The following MYT1L variants were observed in gnomAD, a reference collection of about 807,000 sequenced individuals.
The protein encoded by MYT1L is myelin transcription factor 1 like.
A neutral mutation model predicts 126.7 loss-of-function variants in MYT1L; 12 were observed. The ratio of observed to expected loss-of-function variants is 0.09; its 90% CI spans 0.06 to 0.15. MYT1L has a LOEUF of 0.15. MYT1L is among the 10% of genes least tolerant of loss of function. The pLI is 1.00. For missense variants in MYT1L, 979 were observed against 1,585.2 expected (o/e 0.62, Z 6.49); for synonymous variants, 541 against 604.2 (o/e 0.90, Z 1.53).
In MYT1L at chr2:1,792,304, C is replaced by A; in HGVS notation, c.3420+17G>T. 2 of 1,589,156 alleles carry A rather than the reference C, an allele frequency of 1.3e-6. No individual in the cohort carries two copies. Among genetic ancestry groups the A allele is most frequent in the Non-Finnish European group, 8.6e-7 (1 of 1,167,246 alleles). On this transcript the variant is annotated intron_variant, in intron 24 of 24. Transcript: ENST00000647738. ...TGGAGGACTCCACATTCCTGCCTTG[C>A]GTGCTCAGTCACTTACCATGTGCGG... is the stretch of plus-strand genomic sequence containing the variant.
chr2:2,255,905 C>T (rs1249193626), intron 2 of MYT1L, among the ~76,000 whole-genome samples: 1 of 152,178 alleles, frequency 6.6e-6, no homozygotes, highest in African/African-American at 2.4e-5. Flanking sequence ...AAGTTGTGAA[C>T]ACCTTACCCT....
intron 5 of MYT1L, among the ~76,000 whole-genome samples, chr2:1,990,611 G>C (rs1225912674): frequency 6.6e-6 from 1 of 152,174 alleles, no homozygotes; most frequent in Non-Finnish European, 1.5e-5. Flanking sequence ...AGTTATCTAA[G>C]CTCCATGGCC....
At chr2:2,109,872 A>ATT (rs1491315747) in intron 3 of MYT1L, among the ~76,000 whole-genome samples, 2 of 78,438 alleles carry the variant, frequency 2.5e-5, no homozygotes, top group East Asian at 6.9e-4. Context: ...AAAAGTGCTG[A>ATT]TTTTATATAT....
intron 18 of MYT1L, among the ~76,000 whole-genome samples, chr2:1,879,802 A>T (rs1444997482): frequency 6.6e-6 from 1 of 152,070 alleles, no homozygotes; most frequent in Non-Finnish European, 1.5e-5. Context: ...GTATTTAAAA[A>T]TTTTTGAAAT....
At chr2:1,988,505 G>A (rs570965077) in intron 5 of MYT1L, among the ~76,000 whole-genome samples, 1 of 152,356 alleles carries the variant, frequency 6.6e-6, no homozygotes, top group African/African-American at 2.4e-5. Context: ...GGCTTTGGAA[G>A]ACACTGTGGC....
chr2:2,176,787 C>G lies in MYT1L; in HGVS notation c.-420-3799G>C, dbSNP rs150910640. On this transcript the variant is annotated intron_variant, in intron 2 of 24. Coordinates refer to ENST00000647738, the MANE Select transcript of MYT1L (RefSeq NM_001303052.2). ...GTGCTGGGATTACAGGCATGAATCA[C>G]CATGCCTGGCCTAGAATATAACCTT... is the stretch of plus-strand genomic sequence containing the variant. Among the ~76,000 whole-genome samples, 137 of 152,144 alleles carry G rather than the reference C, an allele frequency of 9.0e-4. 3 individuals carry two copies. Among genetic ancestry groups the G allele is most frequent in the Non-Finnish European group, 1.8e-4 (12 of 68,030 alleles).
intron 9 of MYT1L, among the ~76,000 whole-genome samples, chr2:1,925,361 C>T (rs1322025931): frequency 6.6e-6 from 1 of 152,194 alleles, no homozygotes; most frequent in Non-Finnish European, 1.5e-5. Flanking sequence ...CTGGTTCCCA[C>T]CTTATGAACT....
At chr2:2,100,588 C>CAG (rs2077951158) in intron 3 of MYT1L, among the ~76,000 whole-genome samples, 1 of 152,286 alleles carries the variant, frequency 6.6e-6, no homozygotes, top group African/African-American at 2.4e-5. Context: ...CTGGTCTCCA[C>CAG]AGAGAATCTT....
At chr2:1,892,715 G>A (rs754755776) in intron 14 of MYT1L, among the ~76,000 whole-genome samples, 5 of 151,998 alleles carry the variant, frequency 3.3e-5, no homozygotes, top group African/African-American at 4.8e-5. Context: ...GGGCTCCTCC[G>A]CAGCACATGA....
chr2:2,119,338 T>G (rs746563090), intron 3 of MYT1L, among the ~76,000 whole-genome samples: 5 of 152,190 alleles, frequency 3.3e-5, no homozygotes, highest in Non-Finnish European at 7.3e-5. Flanking sequence ...AGTAAATAAA[T>G]AGTAATCTAT....
chr2:2,023,121 G>A (rs184771855), intron 4 of MYT1L, among the ~76,000 whole-genome samples: 10 of 152,260 alleles, frequency 6.6e-5, no homozygotes, highest in South Asian at 4.1e-4. Context: ...TTTAAACTGC[G>A]CCCCAGGGAA....
intron 3 of MYT1L, among the ~76,000 whole-genome samples, chr2:2,164,700 C>T (rs908696809): frequency 3.3e-5 from 5 of 152,180 alleles, no homozygotes; most frequent in African/African-American, 9.7e-5. Flanking sequence ...CATTCTGCAA[C>T]GTGCTTTCAG....
chr2:2,116,241 C>T (rs1196971361), intron 3 of MYT1L, among the ~76,000 whole-genome samples: 4 of 152,198 alleles, frequency 2.6e-5, no homozygotes, highest in South Asian at 2.1e-4. Flanking sequence ...TGGAAGCTCA[C>T]GGGTCTCCTG....
At chr2:2,012,432 G>A (rs566233859) in intron 4 of MYT1L, among the ~76,000 whole-genome samples, 1 of 152,316 alleles carries the variant, frequency 6.6e-6, no homozygotes, top group Non-Finnish European at 1.5e-5. Context: ...AGAGGCAGAA[G>A]GTAGATTAGT....
In MYT1L at chr2:1,917,187, G is replaced by A. The variant is rs371527244; in HGVS notation, c.1618+18C>T. 162 of 1,609,052 alleles carry A rather than the reference G, an allele frequency of 1.0e-4. 2 individuals are homozygous for A. The South Asian group carries it at 1.1e-3, about 11-fold the overall frequency. On this transcript the variant is annotated intron_variant, in intron 11 of 24. Transcript: ENST00000647738. The surrounding 1 kb of genome is among the most constrained non-coding windows in gnomAD (Gnocchi z 5.9). ...GGGTGTTTGCACCCCCAAGGGTAGC[G>A]GTGAGACGTGGACTTACTTTCTGGA...
At chr2:1,926,320 C>T (rs530796106) in intron 9 of MYT1L, among the ~76,000 whole-genome samples, 78 of 152,320 alleles carry the variant, frequency 5.1e-4, no homozygotes, top group African/African-American at 1.8e-3. Flanking sequence ...TGCTGGGCAT[C>T]AGCCTCATCT....
intron 3 of MYT1L, among the ~76,000 whole-genome samples, chr2:2,164,797 T>C (rs964101626): frequency 1.3e-5 from 2 of 152,234 alleles, no homozygotes; most frequent in African/African-American, 2.4e-5. Flanking sequence ...AAGACAGAGC[T>C]TGCCTTTAGC....
intron 2 of MYT1L, among the ~76,000 whole-genome samples, chr2:2,200,177 T>G (rs1184719422): frequency 6.6e-6 from 1 of 152,152 alleles, no homozygotes; most frequent in Non-Finnish European, 1.5e-5. Flanking sequence ...ATTTGCAGGT[T>G]TCATGACAAA....
At chr2:1,884,364 G>A (rs887500069) in intron 18 of MYT1L, among the ~76,000 whole-genome samples, 3 of 152,192 alleles carry the variant, frequency 2.0e-5, no homozygotes, top group South Asian at 2.1e-4. Flanking sequence ...GGACTCATGC[G>A]GGAATTATTC....
Sources: gnomAD v4.1 joint callset for allele counts (sites outside exome capture counted in the v4.1 genomes callset) on GRCh38, gnomAD v4.1.1 for gene constraint, Gnocchi (gnomAD v3.1) non-coding constraint, MANE v1.5 for transcripts, NCBI Gene and HGNC (gene_info 2026-07-23, HGNC 2026-07-21) for gene names.